The following KIT variants were observed in gnomAD, a reference collection of about 807,000 sequenced individuals.
KIT encodes the protein mast/stem cell growth factor receptor Kit.
Under a neutral mutation model 105.7 loss-of-function variants are expected in KIT, and 16 were observed. The observed-to-expected ratio is 0.15, with a 90% CI of 0.10 to 0.23. The LOEUF is 0.23. Ranked by LOEUF, KIT falls within the 10% of genes least tolerant of loss-of-function variation. KIT has a pLI of 1.00. For missense variants in KIT, 858 were observed against 1,213.8 expected (o/e 0.71, Z 4.36); for synonymous variants, 438 against 441.1 (o/e 0.99, Z 0.09).
chr4:54,680,957 CGGAG>C (rs1230547734), intron 1 of KIT, among the ~76,000 whole-genome samples: 19 of 152,004 alleles, frequency 1.2e-4, no homozygotes, highest in Admixed American at 1.2e-3. Context: ...AGGATCTGCT[CGGAG>C]GTGAGACTGC....
chr4:54,726,897 A>T (rs565019575), intron 9 of KIT, among the ~76,000 whole-genome samples: 422 of 151,824 alleles, frequency 2.8e-3, no homozygotes, highest in Non-Finnish European at 4.4e-3. Flanking sequence ...TCTTTTTTTT[A>T]AAGTTGTACA....
chr4:54,729,818 G>T (rs1379387706), intron 14 of KIT, among the ~76,000 whole-genome samples: 1 of 152,042 alleles, frequency 6.6e-6, no homozygotes, highest in Non-Finnish European at 1.5e-5. Context: ...GGTACTACAT[G>T]CATGTTTCCA....
intron 2 of KIT, among the ~76,000 whole-genome samples, chr4:54,697,609 C>T (rs907179263): frequency 3.9e-5 from 6 of 152,198 alleles, no homozygotes; most frequent in African/African-American, 1.4e-4. Context: ...TCCTGAAACT[C>T]ACAAGCTCCC....
intron 6 of KIT, among the ~76,000 whole-genome samples, chr4:54,708,439 C>T (rs1197196836): frequency 3.3e-5 from 5 of 152,068 alleles, no homozygotes; most frequent in Non-Finnish European, 5.9e-5. Context: ...AAGCCTCAGT[C>T]TTATCCAGGA....
intron 14 of KIT, among the ~76,000 whole-genome samples, chr4:54,730,825 G>C (rs1405977168): frequency 1.3e-5 from 2 of 152,128 alleles, no homozygotes; most frequent in Non-Finnish European, 2.9e-5. Context: ...AAGAGGTCCA[G>C]ATGGTTCAGA....
At chr4:54,726,781 G>GTT (rs60561404) in intron 9 of KIT, among the ~76,000 whole-genome samples, 4 of 137,552 alleles carry the variant, frequency 2.9e-5, no homozygotes, top group African/African-American at 5.2e-5. Context: ...CCTTAAAAAT[G>GTT]TTTTTTTTTT....
chr4:54,735,366 CAAAAAAA>C (rs60429188), intron 17 of KIT, among the ~76,000 whole-genome samples: 1 of 86,266 alleles, frequency 1.2e-5, no homozygotes, highest in Non-Finnish European at 2.7e-5. Context: ...ACTTTAACAC[CAAAAAAA>C]AAAAAGAAAA....
intron 7 of KIT, among the ~76,000 whole-genome samples, chr4:54,713,800 C>A (rs1721300699): frequency 6.6e-6 from 1 of 152,156 alleles, no homozygotes; most frequent in South Asian, 2.1e-4. Flanking sequence ...ATATTGTGCT[C>A]TGACAATTTG....
intron 1 of KIT, among the ~76,000 whole-genome samples, chr4:54,693,197 T>C (rs546597554): frequency 3.3e-5 from 5 of 152,344 alleles, no homozygotes; most frequent in Admixed American, 1.3e-4. Context: ...AATTGTACTT[T>C]AGAATTTCCA....
At chr4:54,736,902 G>C (rs1188779671) in intron 19 of KIT, 82 bp downstream of exon 19, 1 of 1,016,654 alleles carries the variant, frequency 9.8e-7, no homozygotes, top group African/African-American at 1.6e-5. Context: ...GATGTTGAGG[G>C]TTTTCATAAC....
chr4:54,670,845 C>T (rs1718055604), intron 1 of KIT, among the ~76,000 whole-genome samples: 1 of 152,216 alleles, frequency 6.6e-6, no homozygotes, highest in Admixed American at 6.5e-5. Context: ...GGTTTCACCA[C>T]TCTGTCCATC....
At chr4:54,729,538 A>C in intron 14 of KIT, 53 bp downstream of exon 14, 1 of 1,580,642 alleles carries the variant, frequency 6.3e-7, no homozygotes, top group Non-Finnish European at 8.7e-7. Context: ...TCATGGGGTC[A>C]TAAGGGTTTG....
intron 8 of KIT, among the ~76,000 whole-genome samples, chr4:54,724,993 G>A (rs1198239233): frequency 6.6e-6 from 1 of 152,180 alleles, no homozygotes; most frequent in Non-Finnish European, 1.5e-5. Context: ...CTCATGAAAA[G>A]GATCCCTTGC....
rs34098981 is a variant in KIT, at chr4:54,672,314, T to TTTTC, written c.67+14234_67+14235insTTCT. ...GATCATACTCAGTTTGATTTTTTTT[T>TTTTC]TAATGAGGGTACTGTGTAAGTGGTG... On this transcript the variant is annotated intron_variant, in intron 1 of 20. Coordinates refer to ENST00000288135, the MANE Select transcript of KIT (RefSeq NM_000222.3). Among the ~76,000 whole-genome samples, 58 of 151,782 alleles carry TTTTC rather than the reference T, an allele frequency of 3.8e-4. 1 individual carries two copies. Among genetic ancestry groups the TTTTC allele is most frequent in the African/African-American group, 1.3e-3 (55 of 41,454 alleles).
At chr4:54,662,370 T>C (rs1241447387) in intron 1 of KIT, among the ~76,000 whole-genome samples, 1 of 152,224 alleles carries the variant, frequency 6.6e-6, no homozygotes, top group Admixed American at 6.5e-5. Context: ...ACTTATTAGC[T>C]CTGTGACTTT....
intron 1 of KIT, among the ~76,000 whole-genome samples, chr4:54,671,503 T>C (rs149621439): frequency 9.8e-5 from 15 of 152,352 alleles, no homozygotes; most frequent in African/African-American, 3.6e-4. Flanking sequence ...GGTGGCTGCT[T>C]AACTAATTAT....
intron 1 of KIT, among the ~76,000 whole-genome samples, chr4:54,677,394 C>T (rs954456879): frequency 1.3e-5 from 2 of 152,114 alleles, no homozygotes; most frequent in African/African-American, 4.8e-5. Context: ...CCCTGTGGGA[C>T]ACTAGAGAGA....
intron 1 of KIT, among the ~76,000 whole-genome samples, chr4:54,658,821 C>G (rs544909141): frequency 6.6e-6 from 1 of 152,198 alleles, no homozygotes; most frequent in Admixed American, 6.5e-5. Context: ...GGAAAGCAGC[C>G]GCTAGGTTGC....
At chr4:54,659,769 TAGG>T (rs1480641323) in intron 1 of KIT, among the ~76,000 whole-genome samples, 2 of 152,222 alleles carry the variant, frequency 1.3e-5, no homozygotes, top group Non-Finnish European at 2.9e-5. Context: ...TAGAACCTAG[TAGG>T]AGACTAGAAA....
Sources: gnomAD v4.1 joint callset for allele counts (sites outside exome capture counted in the v4.1 genomes callset) on GRCh38, gnomAD v4.1.1 for gene constraint, MANE v1.5 for transcripts, NCBI Gene and HGNC (gene_info 2026-07-23, HGNC 2026-07-21) for gene names.